Variants in MTMR7 observed in about 807,000 individuals in gnomAD.
MTMR7 encodes phosphatidylinositol-3-phosphate phosphatase MTMR7.
MTMR7 carries 76 observed loss-of-function variants against 81.2 expected under a neutral mutation model. That is an observed-to-expected ratio of 0.94 (90% confidence interval 0.78 to 1.13). The LOEUF (loss-of-function observed/expected upper bound fraction) is 1.13, where lower values mean the gene tolerates loss of function less well. MTMR7 is among the 50% of genes most tolerant of loss of function. The pLI is 0.00. For missense variants in MTMR7, 1,044 were observed against 820.0 expected (o/e 1.27, Z -3.34); for synonymous variants, 372 against 289.8 (o/e 1.28, Z -2.88).
chr8:17,309,304 A>G lies in MTMR7; in HGVS notation c.1124T>C (p.Ile375Thr), dbSNP rs1817659652. ...GTGATTAAACTTATGACCAAAGGAA[A>G]TCCAGTCCTTTTCAATTAATACCTA... ...GFMVLIEKDWISFGHKFNHRY... is the reference protein window; with the variant it reads ...GFMVLIEKDWTSFGHKFNHRY... Residue 375 changes from isoleucine to threonine, a missense_variant, in exon 10 of 14, where the codon ATT becomes ACT. Ile to Thr is a moderately conservative substitution (Grantham distance 89). Transcript: ENST00000180173. 1 of 1,568,918 alleles carries G rather than the reference A, an allele frequency of 6.4e-7. No individual in the cohort carries two copies. Among genetic ancestry groups the G allele is most frequent in the East Asian group, 2.2e-5 (1 of 44,692 alleles).
rs143024930 is a variant in MTMR7, at chr8:17,407,747, G to A, written c.24+5522C>T. Among the ~76,000 whole-genome samples the A allele has an allele frequency of 4.0e-3, 611 of 152,182 alleles. 4 individuals are homozygous for A. The highest frequency in any genetic ancestry group is 0.014 in the African/African-American group (583 of 41,518). On this transcript the variant is annotated intron_variant, in intron 1 of 13. Coordinates refer to ENST00000180173, the MANE Select transcript of MTMR7 (RefSeq NM_004686.5). ...GTGCACGCAAAGAAAAAAAACACCA[G>A]AAGAAAATGTACCCAAATATTAAAA...
intron 2 of MTMR7, among the ~76,000 whole-genome samples, chr8:17,372,534 G>C (rs990776732): frequency 6.6e-6 from 1 of 152,088 alleles, no homozygotes; most frequent in Non-Finnish European, 1.5e-5. Flanking sequence ...GCTGCAGTGA[G>C]CTGAGATCGC....
intron 4 of MTMR7, among the ~76,000 whole-genome samples, chr8:17,359,884 A>G (rs1317899102): frequency 1.3e-5 from 2 of 152,188 alleles, no homozygotes; most frequent in Admixed American, 6.5e-5. Context: ...CCTTTCCACA[A>G]TTATTTTTGA....
At chr8:17,317,512 T>C (rs1331392911) in intron 7 of MTMR7, among the ~76,000 whole-genome samples, 4 of 151,920 alleles carry the variant, frequency 2.6e-5, no homozygotes, top group African/African-American at 4.9e-5. Flanking sequence ...TCTTCCAGCT[T>C]TGCCTGGTAC....
At chr8:17,364,231 C>T (rs1051009413) in intron 3 of MTMR7, among the ~76,000 whole-genome samples, 2 of 151,658 alleles carry the variant, frequency 1.3e-5, no homozygotes, top group Admixed American at 1.3e-4. Flanking sequence ...GACGGGTTTT[C>T]ACTGTGTTAG....
At chr8:17,379,614 T>G (rs1243059690) in intron 1 of MTMR7, among the ~76,000 whole-genome samples, 2 of 152,178 alleles carry the variant, frequency 1.3e-5, no homozygotes, top group East Asian at 3.9e-4. Flanking sequence ...CTTTTAGAAC[T>G]TGCCTTTTTA....
At chr8:17,303,734 C>G (rs989199480) in intron 12 of MTMR7, among the ~76,000 whole-genome samples, 76 of 152,044 alleles carry the variant, frequency 5.0e-4, no homozygotes, top group African/African-American at 1.8e-3. Context: ...CTCAGCCTCC[C>G]GAGTAGCTAG....
intron 7 of MTMR7, among the ~76,000 whole-genome samples, chr8:17,314,684 A>G (rs185488834): frequency 3.3e-5 from 5 of 152,346 alleles, no homozygotes; most frequent in African/African-American, 9.6e-5. Flanking sequence ...AATAACACCA[A>G]AATTCCCAGC....
chr8:17,348,903 G>A, intron 5 of MTMR7, 50 bp downstream of exon 5: 1 of 1,608,956 alleles, frequency 6.2e-7, no homozygotes, highest in Non-Finnish European at 8.5e-7. Context: ...GCCTGCTTAT[G>A]ATAAACTAGA....
intron 4 of MTMR7, among the ~76,000 whole-genome samples, chr8:17,350,213 T>C (rs1033785324): frequency 6.6e-6 from 1 of 152,198 alleles, no homozygotes; most frequent in African/African-American, 2.4e-5. Flanking sequence ...TTCCTCGTCA[T>C]CTCAAGGGAG....
At position 17,299,329 on chromosome 8, in the gene MTMR7, T is replaced by C. The variant is rs550622307; in HGVS notation, c.*533A>G. 3.3e-5 allele frequency: 5 copies of C among 152,610 alleles called. No homozygotes were observed. The highest frequency in any genetic ancestry group is 9.6e-5 in the African/African-American group (4 of 41,586). The allele number at this position is 152,610 out of a possible 1,614,324, so 9.5% of individuals were successfully genotyped here. ...TAAAGTGATGATTATGCCTGAAAGA[T>C]AAGCAATTAAAAGCTCCTTAGGAAT... On this transcript the variant is annotated 3_prime_UTR_variant, in exon 14 of 14. Coordinates refer to ENST00000180173, the MANE Select transcript of MTMR7 (RefSeq NM_004686.5).
chr8:17,357,718 A>T (rs1819939008), intron 4 of MTMR7, among the ~76,000 whole-genome samples: 1 of 152,220 alleles, frequency 6.6e-6, no homozygotes, highest in Non-Finnish European at 1.5e-5. Flanking sequence ...AAGGCAAAGG[A>T]ATAGCAATGC....
intron 6 of MTMR7, among the ~76,000 whole-genome samples, chr8:17,334,849 G>A (rs1462870261): frequency 1.3e-5 from 2 of 152,188 alleles, no homozygotes; most frequent in African/African-American, 4.8e-5. Context: ...CAGGGGTAAC[G>A]TTTTGTTTAA....
intron 7 of MTMR7, among the ~76,000 whole-genome samples, chr8:17,328,295 C>T (rs1818800215): frequency 6.6e-6 from 1 of 152,154 alleles, no homozygotes; most frequent in African/African-American, 2.4e-5. Flanking sequence ...TACACCTTTC[C>T]ACCTTCCTCT....
chr8:17,300,426 A>G (rs1031812222), intron 13 of MTMR7: 3 of 588,274 alleles, frequency 5.1e-6, no homozygotes, highest in Middle Eastern at 4.5e-4. Context: ...TAAGGATAAT[A>G]CCTGCCTTGA....
intron 13 of MTMR7, chr8:17,301,563 G>A (rs571839958): frequency 6.6e-6 from 1 of 152,300 alleles, no homozygotes; most frequent in Admixed American, 6.5e-5. Context: ...TAATAAGGAA[G>A]AGCCAGTTTT....
intron 3 of MTMR7, among the ~76,000 whole-genome samples, chr8:17,367,560 G>C (rs1820267503): frequency 6.6e-6 from 1 of 152,146 alleles, no homozygotes; most frequent in Admixed American, 6.5e-5. Flanking sequence ...GTTATGTTTT[G>C]CCTGAGATCT....
chr8:17,319,821 T>C (rs539677077), intron 7 of MTMR7, among the ~76,000 whole-genome samples: 64 of 152,280 alleles, frequency 4.2e-4, no homozygotes, highest in South Asian at 2.1e-3. Context: ...TGGTTTTTTT[T>C]CATAATTCAG....
At chr8:17,389,833 GA>G (rs199924071) in intron 1 of MTMR7, among the ~76,000 whole-genome samples, 4 of 150,300 alleles carry the variant, frequency 2.7e-5, no homozygotes, top group Non-Finnish European at 5.9e-5. Context: ...TACTGGAGGA[GA>G]AAAAAAAACA....
Sources: allele counts gnomAD v4.1 joint callset (sites outside exome capture counted in the v4.1 genomes callset), GRCh38; gene constraint gnomAD v4.1.1; transcripts MANE v1.5; gene names NCBI Gene and HGNC (gene_info 2026-07-23, HGNC 2026-07-21).